Variants in SPAG16 observed in about 807,000 individuals in gnomAD.
SPAG16 encodes the protein sperm associated antigen 16.
A neutral mutation model predicts 80.4 loss-of-function variants in SPAG16; 86 were observed. The observed-to-expected ratio is 1.07, with a 90% CI of 0.90 to 1.28. The LOEUF is 1.28. Among genes scored for constraint, SPAG16 ranks in the 50% most tolerant of loss-of-function variants. The pLI, the probability that SPAG16 is intolerant of heterozygous loss-of-function variation, is 0.00. For missense variants in SPAG16, 870 were observed against 765.3 expected (o/e 1.14, Z -1.61); for synonymous variants, 294 against 265.9 (o/e 1.11, Z -1.03).
Position 213,340,247 on chromosome 2 carries a change from C to G in SPAG16, c.621C>G (p.Asn207Lys), listed in dbSNP as rs1251773837. Residue 207 changes from asparagine to lysine, a missense_variant, in exon 6 of 16, where the codon AAC becomes AAG. Coordinates refer to ENST00000331683, the MANE Select transcript of SPAG16 (RefSeq NM_024532.5). ...MHHKRIVQEK[N>K]KLINDLKGLK... ...ATAAGCGAATAGTCCAGGAAAAAAACAAATTAATTAATGACCTCAAAGGGT... is the reference window on the plus strand; with the variant it reads ...ATAAGCGAATAGTCCAGGAAAAAAAGAAATTAATTAATGACCTCAAAGGGT... 12 of 1,607,768 alleles carry G rather than the reference C, an allele frequency of 7.5e-6. No homozygotes were observed. In the Middle Eastern group the frequency reaches 6.6e-4, roughly 89 times the overall value.
At chr2:213,697,221 G>A (rs528796077) in intron 10 of SPAG16, among the ~76,000 whole-genome samples, 2 of 152,258 alleles carry the variant, frequency 1.3e-5, no homozygotes, top group African/African-American at 2.4e-5. Flanking sequence ...AAGAGTGGGT[G>A]GAAAAGAGGT....
intron 15 of SPAG16, among the ~76,000 whole-genome samples, chr2:214,349,830 G>T (rs116266867): frequency 1.3e-5 from 2 of 152,066 alleles, no homozygotes. Flanking sequence ...ATTTTATGAC[G>T]AATAAGTTAT....
chr2:213,462,708 T>G (rs2072446501), intron 9 of SPAG16, among the ~76,000 whole-genome samples: 1 of 152,218 alleles, frequency 6.6e-6, no homozygotes. Context: ...TCCTTTGCCT[T>G]CTGCCATGAT....
chr2:213,699,927 T>C (rs1473028669), intron 10 of SPAG16, among the ~76,000 whole-genome samples: 1 of 152,234 alleles, frequency 6.6e-6, no homozygotes, highest in Non-Finnish European at 1.5e-5. Flanking sequence ...GCTTGAATCC[T>C]TCCTTGTGTT....
intron 10 of SPAG16, among the ~76,000 whole-genome samples, chr2:213,777,292 G>A (rs1400742744): frequency 7.8e-6 from 1 of 128,616 alleles, no homozygotes; most frequent in Non-Finnish European, 1.6e-5. Flanking sequence ...TGTCGCTCAG[G>A]CTGGAGTGCA....
chr2:213,881,771 A>T (rs557928945), intron 11 of SPAG16, among the ~76,000 whole-genome samples: 1 of 152,240 alleles, frequency 6.6e-6, no homozygotes, highest in East Asian at 1.9e-4. Flanking sequence ...CATGGGGATT[A>T]TGGGGATTAC....
intron 13 of SPAG16, among the ~76,000 whole-genome samples, chr2:214,076,007 A>C (rs1576082848): frequency 6.6e-6 from 1 of 152,276 alleles, no homozygotes; most frequent in Admixed American, 6.5e-5. Context: ...GCATATGTCT[A>C]TATTTGAATG....
intron 6 of SPAG16, among the ~76,000 whole-genome samples, chr2:213,350,099 A>G (rs2065244482): frequency 6.6e-6 from 1 of 152,234 alleles, no homozygotes; most frequent in Non-Finnish European, 1.5e-5. Flanking sequence ...AAGATTAGCC[A>G]AACTTGTTTT....
intron 15 of SPAG16, among the ~76,000 whole-genome samples, chr2:214,209,220 C>G (rs889570997): frequency 1.3e-5 from 2 of 152,036 alleles, no homozygotes; most frequent in African/African-American, 2.4e-5. Flanking sequence ...GTTATTATAT[C>G]TCTTCATGCC....
intron 1 of SPAG16, chr2:213,284,855 C>T (rs1234878709): frequency 7.5e-6 from 4 of 535,178 alleles, no homozygotes; most frequent in African/African-American, 2.0e-5. Flanking sequence ...GGGAGACCTT[C>T]CAAGGCCTCA....
chr2:213,499,947 C>A (rs1342279265), intron 10 of SPAG16, among the ~76,000 whole-genome samples: 9 of 152,152 alleles, frequency 5.9e-5, no homozygotes, highest in Admixed American at 5.2e-4. Context: ...TCACTGGATT[C>A]TTGAATCTTC....
At chr2:214,006,846 A>C (rs1280059159) in intron 12 of SPAG16, among the ~76,000 whole-genome samples, 1 of 152,178 alleles carries the variant, frequency 6.6e-6, no homozygotes, top group Non-Finnish European at 1.5e-5. Context: ...TACCCTCTTG[A>C]GCAGTACTTT....
At chr2:213,710,637 A>C (rs566857584) in intron 10 of SPAG16, among the ~76,000 whole-genome samples, 1 of 152,348 alleles carries the variant, frequency 6.6e-6, no homozygotes, top group African/African-American at 2.4e-5. Context: ...ACACTTTAGT[A>C]ACATGGCTTT....
At chr2:214,112,867 A>G (rs2053744483) in intron 14 of SPAG16, among the ~76,000 whole-genome samples, 1 of 151,970 alleles carries the variant, frequency 6.6e-6, no homozygotes, top group South Asian at 2.1e-4. Flanking sequence ...TGTCTTTATG[A>G]TGTTAGCTGG....
At chr2:213,403,774 T>C (rs1222620604) in intron 9 of SPAG16, among the ~76,000 whole-genome samples, 16 of 152,332 alleles carry the variant, frequency 1.1e-4, no homozygotes, top group Admixed American at 9.8e-4. Context: ...ATTGTCCCTG[T>C]TTGCAGATGA....
intron 15 of SPAG16, among the ~76,000 whole-genome samples, chr2:214,331,406 C>T (rs1696903779): frequency 6.6e-6 from 1 of 152,176 alleles, no homozygotes; most frequent in South Asian, 2.1e-4. Flanking sequence ...GCAATCACAG[C>T]TTAAAGTTTA....
chr2:213,482,621 A>G (rs2073803753), intron 9 of SPAG16, among the ~76,000 whole-genome samples: 2 of 152,170 alleles, frequency 1.3e-5, no homozygotes, highest in Non-Finnish European at 2.9e-5. Context: ...AGGTTTAGGT[A>G]TAATTATGTT....
chr2:213,796,440 G>A (rs1015864269), intron 10 of SPAG16, among the ~76,000 whole-genome samples: 1 of 152,052 alleles, frequency 6.6e-6, no homozygotes. Context: ...CGTCTTCAAA[G>A]TTCATTCACG....
intron 4 of SPAG16, among the ~76,000 whole-genome samples, chr2:213,316,630 C>G (rs117473464): frequency 2.6e-5 from 4 of 152,002 alleles, no homozygotes; most frequent in African/African-American, 9.7e-5. Flanking sequence ...CTCCAGGTAC[C>G]CTGGCTGTTT....
Sources: gnomAD v4.1 joint callset for allele counts (sites outside exome capture counted in the v4.1 genomes callset) on GRCh38, gnomAD v4.1.1 for gene constraint, MANE v1.5 for transcripts, NCBI Gene and HGNC (gene_info 2026-07-23, HGNC 2026-07-21) for gene names.